SLC12A7: variants seen among roughly 807,000 people sequenced by gnomAD.
SLC12A7 encodes the protein K-Cl cotransporter 4.
In SLC12A7, 100 loss-of-function variants were observed where a neutral mutation model predicts 120.6. The observed-to-expected ratio is 0.83, with a 90% CI of 0.71 to 0.98. The LOEUF is 0.98. SLC12A7 is among the 50% of genes least tolerant of loss of function. SLC12A7 has a pLI of 0.00. For missense variants in SLC12A7, 1,373 were observed against 1,548.1 expected, an observed-to-expected ratio of 0.89 and a Z score of 1.90; for synonymous variants, 760 against 678.0, an observed-to-expected ratio of 1.12 and a Z score of -1.88.
At chr5:1,139,468 C>T in the SLC12A7 span, among the ~76,000 whole-genome samples, 1 of 152,274 alleles carries the variant, frequency 6.6e-6, no homozygotes, top group Non-Finnish European at 1.5e-5. Flanking sequence ...GGGCGGTTGA[C>T]ACTGCCTGGG....
the SLC12A7 span, among the ~76,000 whole-genome samples, chr5:1,139,208 G>C: frequency 1.3e-5 from 2 of 152,252 alleles, no homozygotes; most frequent in African/African-American, 4.8e-5. Flanking sequence ...GAGGAAGGGG[G>C]AAAGTGTGAG....
chr5:1,154,528 CACAT>C, the SLC12A7 span, among the ~76,000 whole-genome samples: 2 of 152,134 alleles, frequency 1.3e-5, no homozygotes, highest in Non-Finnish European at 2.9e-5. Flanking sequence ...ACACAGCACA[CACAT>C]AGACACACAC....
chr5:1,068,868 C>T (rs1040817390), intron 17 of SLC12A7, among the ~76,000 whole-genome samples: 2 of 152,258 alleles, frequency 1.3e-5, no homozygotes, highest in African/African-American at 4.8e-5. Flanking sequence ...TGCCCTGTCC[C>T]TCGTGCGCAC....
upstream of SLC12A7, among the ~76,000 whole-genome samples, chr5:1,114,510 A>G (rs1022866251): frequency 2.0e-5 from 3 of 151,960 alleles, no homozygotes; most frequent in Non-Finnish European, 2.9e-5. Flanking sequence ...GTCCACGTAT[A>G]TCCTCCCACA....
chr5:1,110,367 G>A (rs1349630688), intron 1 of SLC12A7, among the ~76,000 whole-genome samples: 1 of 152,256 alleles, frequency 6.6e-6, no homozygotes, highest in African/African-American at 2.4e-5. Context: ...GGACCTGAGT[G>A]CGCGGGCAGC....
chr5:1,076,264 G>A, intron 13 of SLC12A7, 28 bp from the exon 14 acceptor site: 5 of 1,563,068 alleles, frequency 3.2e-6, no homozygotes, highest in Non-Finnish European at 4.3e-6. Context: ...CACTGATACG[G>A]GCCCACTGGG....
rs1736629112 is a variant in SLC12A7, at chr5:1,063,986, G to A, written c.2608-11C>T. ...GCACTTCCTCCACACCTGCAGACAG[G>A]GAGGGCATGGCTGTGGGGCCTCAGA... On this transcript the variant is annotated splice_polypyrimidine_tract_variant and intron_variant, in intron 19 of 23. Coordinates refer to ENST00000264930, the MANE Select transcript of SLC12A7 (RefSeq NM_006598.3). 2 of 1,611,558 alleles carry A rather than the reference G, an allele frequency of 1.2e-6. No homozygotes were observed. Among genetic ancestry groups the A allele is most frequent in the Admixed American group, 1.7e-5 (1 of 59,942 alleles).
chr5:1,141,816 C>T, the SLC12A7 span, among the ~76,000 whole-genome samples: 38 of 152,246 alleles, frequency 2.5e-4, no homozygotes, highest in South Asian at 1.0e-3. Flanking sequence ...CAAGAGGGTT[C>T]GCCGGGACAG....
chr5:1,139,059 G>T, the SLC12A7 span, among the ~76,000 whole-genome samples: 4 of 104,842 alleles, frequency 3.8e-5, no homozygotes, highest in Admixed American at 2.7e-4. Flanking sequence ...CCTCACCCAA[G>T]CTTGGGGTGG....
At chr5:1,109,105 G>A (rs547085060) in intron 1 of SLC12A7, among the ~76,000 whole-genome samples, 8 of 152,176 alleles carry the variant, frequency 5.3e-5, no homozygotes, top group Non-Finnish European at 8.8e-5. Flanking sequence ...CAGACGAGTG[G>A]AAGTCCCTCC....
At position 1,063,949 on chromosome 5, in the gene SLC12A7, G is replaced by A. The variant is rs1736623604; in HGVS notation, c.2634C>T (p.Ile878=). 1.2e-6 allele frequency: 2 copies of A among 1,612,554 alleles called. No individual in the cohort carries two copies. Among genetic ancestry groups the A allele is most frequent in the South Asian group, 1.1e-5 (1 of 91,080 alleles). ...TGTCGTCCACCTGGGCCACGGTGAA[G>A]ATACGCATCCGGCACTTCCTCCACA... ...HKVWRKCRMR[I]FTVAQVDDNS... The change falls in exon 20 of 24, where the codon ATC becomes ATT. Residue 878 remains isoleucine (I), a synonymous_variant. Transcript: ENST00000264930.
At chr5:1,124,957 A>G in the SLC12A7 span, among the ~76,000 whole-genome samples, 1 of 152,310 alleles carries the variant, frequency 6.6e-6, no homozygotes, top group South Asian at 2.1e-4. Context: ...TCCAGGGAAC[A>G]GCTAGAGATT....
the SLC12A7 span, among the ~76,000 whole-genome samples, chr5:1,148,936 G>T: frequency 2.0e-5 from 3 of 152,210 alleles, no homozygotes; most frequent in Non-Finnish European, 4.4e-5. Context: ...TGGTGTAGGA[G>T]CTCCATTCAA....
chr5:1,083,759 C>T lies in SLC12A7; in HGVS notation c.1115G>A (p.Ser372Asn), dbSNP rs745676428. Reference protein sequence around the residue: ...TEIQGIPGAASGVFLENLWST... With the variant: ...TEIQGIPGAANGVFLENLWST... ...GTGAGCCTCACCCAGGAAGACACCA[C>T]TGGCCGCGCCCGGGATGCCCTGGAT... Residue 372 changes from serine (S) to asparagine (N), a missense_variant, in exon 8 of 24, where the codon AGT becomes AAT. By Grantham distance (46) the Ser-to-Asn change is conservative. Transcript: ENST00000264930. 107 of 1,612,424 alleles carry T rather than the reference C, an allele frequency of 6.6e-5. No individual in the cohort carries two copies. Among genetic ancestry groups the T allele is most frequent in the Non-Finnish European group, 7.9e-5 (93 of 1,179,900 alleles).
At chr5:1,128,738 CGT>C in the SLC12A7 span, among the ~76,000 whole-genome samples, 3 of 152,134 alleles carry the variant, frequency 2.0e-5, no homozygotes, top group East Asian at 1.9e-4. Flanking sequence ...TGTATGTGTG[CGT>C]GTGTGTGTGC....
At chr5:1,090,337 C>T (rs945413549) in intron 3 of SLC12A7, among the ~76,000 whole-genome samples, 1 of 152,210 alleles carries the variant, frequency 6.6e-6, no homozygotes, top group South Asian at 2.1e-4. Flanking sequence ...GCGTGGGAAG[C>T]CCTGGATCTG....
intron 17 of SLC12A7, 99 bp from the exon 18 acceptor site, chr5:1,065,577 G>T: frequency 1.1e-6 from 1 of 940,354 alleles, no homozygotes; most frequent in Non-Finnish European, 1.6e-6. Context: ...CACCTCCCCT[G>T]TGGACCCAGC....
chr5:1,132,095 G>C, the SLC12A7 span, among the ~76,000 whole-genome samples: 1 of 152,194 alleles, frequency 6.6e-6, no homozygotes, highest in Non-Finnish European at 1.5e-5. Context: ...TTGTGGTCAG[G>C]AAGCCATCCA....
chr5:1,119,284 G>A, the SLC12A7 span, among the ~76,000 whole-genome samples: 1 of 152,168 alleles, frequency 6.6e-6, no homozygotes, highest in African/African-American at 2.4e-5. Context: ...CTCAGTTACC[G>A]CCACTTTTTC....
Sources: gnomAD v4.1 joint callset for allele counts (sites outside exome capture counted in the v4.1 genomes callset) on GRCh38, gnomAD v4.1.1 for gene constraint, MANE v1.5 for transcripts, NCBI Gene and HGNC (gene_info 2026-07-23, HGNC 2026-07-21) for gene names.